Variants in DNAH5 observed in about 807,000 individuals in gnomAD.
The protein encoded by DNAH5 is axonemal beta dynein heavy chain 5.
A neutral mutation model predicts 518.2 loss-of-function variants in DNAH5; 372 were observed. That is an observed-to-expected ratio of 0.72 (90% CI 0.66 to 0.78). DNAH5 has a LOEUF of 0.78. DNAH5 is among the 30% of genes least tolerant of loss of function. The pLI, the probability that DNAH5 is intolerant of heterozygous loss-of-function variation, is 0.00. For synonymous variants in DNAH5, 2,039 were observed against 2,025.9 expected, an observed-to-expected ratio of 1.01 and a Z score of -0.17; for missense variants, 5,523 against 5,687.0, an observed-to-expected ratio of 0.97 and a Z score of 0.93.
intron 59 of DNAH5, among the ~76,000 whole-genome samples, chr5:13,763,767 A>C (rs188085854): frequency 3.7e-4 from 56 of 152,268 alleles, no homozygotes; most frequent in Non-Finnish European, 6.9e-4. Flanking sequence ...TTGTAACCCC[A>C]AAAAAAGCCA....
Position 13,716,601 on chromosome 5 carries a change from G to A in DNAH5, c.12795C>T (p.Asn4265=), listed in dbSNP as rs1405831176. 1.2e-6 allele frequency: 2 copies of A among 1,613,500 alleles called. No individual in the cohort carries two copies. Among genetic ancestry groups the A allele is most frequent in the South Asian group, 2.2e-5 (2 of 91,070 alleles). ...VTDDYDKRLL[N]TFAKVWFSEN... ...CACTGAACCAAACCTTAGCAAATGT[G>A]TTCAACAATCTCTTATCATAGTCGT... Residue 4265 remains asparagine, a synonymous_variant, in exon 74 of 79, where the codon AAC becomes AAT. Coordinates refer to ENST00000265104, the MANE Select transcript of DNAH5 (RefSeq NM_001369.3).
intron 69 of DNAH5, among the ~76,000 whole-genome samples, chr5:13,728,706 G>A (rs1746100618): frequency 6.6e-6 from 1 of 152,156 alleles, no homozygotes; most frequent in African/African-American, 2.4e-5. Context: ...AACTGAGGAA[G>A]TCAAGAACCA....
intron 1 of DNAH5, among the ~76,000 whole-genome samples, chr5:13,988,140 T>A (rs576712423): frequency 1.3e-5 from 2 of 152,322 alleles, no homozygotes; most frequent in African/African-American, 4.8e-5. Flanking sequence ...TTTACTATGC[T>A]ATCATCTGAG....
chr5:13,857,235 C>A (rs1201089034), intron 30 of DNAH5, among the ~76,000 whole-genome samples: 2 of 152,092 alleles, frequency 1.3e-5, no homozygotes, highest in African/African-American at 4.8e-5. Flanking sequence ...AACAGAGAGC[C>A]AAATCGTTAG....
At chr5:13,743,459 C>T (rs1007433084) in intron 65 of DNAH5, among the ~76,000 whole-genome samples, 4 of 151,762 alleles carry the variant, frequency 2.6e-5, no homozygotes, top group Non-Finnish European at 4.4e-5. Context: ...AGGCAACAAA[C>T]GCCAAAATAA....
intron 1 of DNAH5, among the ~76,000 whole-genome samples, chr5:13,993,126 C>CT (rs1050330034): frequency 3.9e-5 from 6 of 152,236 alleles, no homozygotes; most frequent in African/African-American, 1.4e-4. Context: ...TGGGTGTCCA[C>CT]TTTTTTCCTT....
At chr5:13,787,054 T>G (rs889595509) in intron 51 of DNAH5, among the ~76,000 whole-genome samples, 2 of 152,068 alleles carry the variant, frequency 1.3e-5, no homozygotes, top group African/African-American at 4.8e-5. Context: ...ACCCCATCTC[T>G]ACTAAAATTA....
intron 21 of DNAH5, 106 bp downstream of exon 21, chr5:13,882,622 T>G: frequency 1.1e-6 from 1 of 902,162 alleles, no homozygotes; most frequent in Non-Finnish European, 1.8e-6. Flanking sequence ...AGATTAATAT[T>G]CTGATGTAAA....
Position 13,752,157 on chromosome 5 carries a change from T to G in DNAH5, c.11005A>C (p.Ile3669Leu). ...ALDNVLERNF[I>L]KTGSTFKVKV... ...ACCTTAAAGGTAGACCCAGTTTTAA[T>G]GAAGTTTCTTTCCAAAACATTATCT... The change falls in exon 64 of 79, where the codon ATT (isoleucine) becomes CTT (leucine). Residue 3669 changes from isoleucine to leucine, a missense_variant. By Grantham distance (5) the Ile-to-Leu change is conservative. Transcript: ENST00000265104. 3 of 1,613,988 alleles carry G rather than the reference T, an allele frequency of 1.9e-6. No homozygotes were observed. Among genetic ancestry groups the G allele is most frequent in the Non-Finnish European group, 2.5e-6 (3 of 1,179,926 alleles).
At chr5:13,975,929 G>A (rs1782205089) in intron 1 of DNAH5, among the ~76,000 whole-genome samples, 1 of 152,202 alleles carries the variant, frequency 6.6e-6, no homozygotes, top group Admixed American at 6.5e-5. Flanking sequence ...CCAGCACTTT[G>A]GGAGGCCAAG....
At chr5:14,001,042 C>T (rs761301889) in intron 1 of DNAH5, among the ~76,000 whole-genome samples, 1 of 152,166 alleles carries the variant, frequency 6.6e-6, no homozygotes, top group Non-Finnish European at 1.5e-5. Flanking sequence ...TAACACAGAA[C>T]AGAAAACCAA....
chr5:13,918,225 C>CTGCTCT (rs1303875537), intron 7 of DNAH5, among the ~76,000 whole-genome samples: 1 of 152,218 alleles, frequency 6.6e-6, no homozygotes, highest in East Asian at 1.9e-4. Context: ...ATGTTCTAAG[C>CTGCTCT]TGCTCTACAG....
intron 74 of DNAH5, among the ~76,000 whole-genome samples, chr5:13,714,881 T>C (rs1354871519): frequency 1.3e-5 from 2 of 152,214 alleles, no homozygotes; most frequent in Non-Finnish European, 2.9e-5. Flanking sequence ...GAGACTGTCT[T>C]GTTATAAAAT....
In DNAH5 at chr5:13,692,080, C is replaced by T. The variant is rs200555581; in HGVS notation, c.13779G>A (p.Thr4593=). The T allele has an allele frequency of 2.0e-5, 33 of 1,613,992 alleles. No homozygotes were observed. Among genetic ancestry groups the T allele is most frequent in the Middle Eastern group, 1.7e-4 (1 of 6,060 alleles). The change falls in exon 79 of 79, where the codon ACG becomes ACA. Residue 4593 remains threonine (T), a synonymous_variant. Coordinates refer to ENST00000265104, the MANE Select transcript of DNAH5 (RefSeq NM_001369.3). Reference sequence around the variant, plus strand: ...CCACAGCGGCAATGTAGTTCAAGTCCGTTCGAACTGGCTTCTTATAGATGG... The same window carrying T: ...CCACAGCGGCAATGTAGTTCAAGTCTGTTCGAACTGGCTTCTTATAGATGG... ...SCPIYKKPVR[T]DLNYIAAVDL...
chr5:13,753,717 T>C (rs1678133297), intron 62 of DNAH5, among the ~76,000 whole-genome samples, 168 bp from the exon 63 acceptor site: 1 of 152,188 alleles, frequency 6.6e-6, no homozygotes, highest in South Asian at 2.1e-4. Context: ...GTAGTCTGGT[T>C]TATTAGTCAA....
chr5:13,800,796 T>C (rs952286803), intron 47 of DNAH5, among the ~76,000 whole-genome samples: 5 of 152,216 alleles, frequency 3.3e-5, no homozygotes, highest in African/African-American at 1.2e-4. Context: ...TCTCTTTGAT[T>C]GGTGTTCCCA....
At chr5:13,778,539 G>C (rs373664006) in intron 53 of DNAH5, among the ~76,000 whole-genome samples, 4 of 73,910 alleles carry the variant, frequency 5.4e-5, no homozygotes, top group Admixed American at 3.2e-4. Context: ...GAGAGAGAGA[G>C]AAGAAAGAAA....
rs776292592 is a variant in DNAH5, at chr5:13,824,251, G to A, written c.6527C>T (p.Thr2176Met). 18 of 1,613,768 alleles carry A rather than the reference G, an allele frequency of 1.1e-5. No homozygotes were observed. The highest frequency in any genetic ancestry group is 7.7e-5 in the South Asian group (7 of 91,076). Reference sequence around the variant, plus strand: ...TACACGCATGACAATCGTGGACTCCGTATCCATTGGATTGGCTCTTTTTGC... The same window carrying A: ...TACACGCATGACAATCGTGGACTCCATATCCATTGGATTGGCTCTTTTTGC... ...GAAKRANPMD[T>M]ESTIVMRVLR... Residue 2176 changes from threonine to methionine, a missense_variant, in exon 39 of 79, where the codon ACG becomes ATG. By Grantham distance (81) the Thr-to-Met change is moderately conservative (BLOSUM62 -1). Transcript: ENST00000265104.
Position 13,830,089 on chromosome 5 carries a change from A to G in DNAH5, c.6186T>C (p.Ser2062=). 1 of 1,614,144 alleles carries G rather than the reference A, an allele frequency of 6.2e-7. No homozygotes were observed. The highest frequency in any genetic ancestry group is 1.1e-5 in the South Asian group (1 of 91,080). Residue 2062 remains serine (S), a synonymous_variant, in exon 37 of 79, where the codon TCT becomes TCC. Coordinates refer to ENST00000265104, the MANE Select transcript of DNAH5 (RefSeq NM_001369.3). The stretch of plus-strand genomic sequence containing the variant: ...CATTATCTCCATCAGTAAAGATAAA[A>G]GACTTTTTGTGCTCCTTTTTACATG... ...ILTCKKEHKK[S]FIFTDGDNVT...
Sources: allele counts gnomAD v4.1 joint callset (sites outside exome capture counted in the v4.1 genomes callset), GRCh38; gene constraint gnomAD v4.1.1; transcripts MANE v1.5; gene names NCBI Gene and HGNC (gene_info 2026-07-23, HGNC 2026-07-21).